FGF14: variants seen among roughly 807,000 people sequenced by gnomAD.
FGF14 encodes fibroblast growth factor homologous factor 4.
FGF14 carries 5 observed loss-of-function variants against 25.5 expected under a neutral mutation model. That is an observed-to-expected ratio of 0.20 (90% confidence interval 0.10 to 0.41). The LOEUF is 0.41. FGF14 is among the 10% of genes least tolerant of loss of function. The pLI, the probability that FGF14 is intolerant of heterozygous loss-of-function variation, is 1.00. For synonymous variants in FGF14, 138 were observed against 118.3 expected (o/e 1.17, Z -1.08); for missense variants, 222 against 320.1 (o/e 0.69, Z 2.34).
At chr13:101,794,452 A>G (rs2040410121) in intron 3 of FGF14, among the ~76,000 whole-genome samples, 1 of 152,088 alleles carries the variant, frequency 6.6e-6, no homozygotes, top group Non-Finnish European at 1.5e-5. Flanking sequence ...AGGACCACTT[A>G]TGTACAACAC....
At chr13:102,054,070 T>G (rs2140069446) in intron 1 of FGF14, among the ~76,000 whole-genome samples, 1 of 152,292 alleles carries the variant, frequency 6.6e-6, no homozygotes, top group East Asian at 1.9e-4. Context: ...GGACATTTAC[T>G]TATAGATTTT....
chr13:102,140,320 T>G (rs1376100951), intron 1 of FGF14, among the ~76,000 whole-genome samples: 1 of 152,150 alleles, frequency 6.6e-6, no homozygotes, highest in African/African-American at 2.4e-5. Context: ...ATTTTGCTAT[T>G]ATATTTAACC....
At chr13:101,986,938 GCACACACACA>G (rs3064731) in intron 1 of FGF14, among the ~76,000 whole-genome samples, 34 of 148,136 alleles carry the variant, frequency 2.3e-4, no homozygotes, top group African/African-American at 8.1e-4. Flanking sequence ...GTATGTGCAT[GCACACACACA>G]CACACACACA....
At chr13:102,061,903 A>G (rs1299398045) in intron 1 of FGF14, among the ~76,000 whole-genome samples, 2 of 152,190 alleles carry the variant, frequency 1.3e-5, no homozygotes, top group Non-Finnish European at 2.9e-5. Context: ...CTGACATATG[A>G]AGAGGCATCT....
intron 1 of FGF14, among the ~76,000 whole-genome samples, chr13:101,939,789 T>C (rs925732968): frequency 3.3e-5 from 5 of 152,108 alleles, no homozygotes; most frequent in African/African-American, 1.2e-4. Flanking sequence ...ATCTAGTTTA[T>C]TGGAAAAAAG....
chr13:101,763,258 T>C (rs1440089641), intron 3 of FGF14, among the ~76,000 whole-genome samples: 1 of 152,146 alleles, frequency 6.6e-6, no homozygotes, highest in African/African-American at 2.4e-5. Flanking sequence ...CAGTCAGTCA[T>C]CCCCAGCTGT....
intron 1 of FGF14, among the ~76,000 whole-genome samples, chr13:102,129,254 A>AAAAGAAAGAAAG (rs370437878): frequency 6.6e-6 from 1 of 151,920 alleles, no homozygotes; most frequent in Non-Finnish European, 1.5e-5. Context: ...CATCTCAAAA[A>AAAAGAAAGAAAG]AAAGAAAGAA....
intron 3 of FGF14, among the ~76,000 whole-genome samples, chr13:101,867,912 ACACACACACACACACACACACACG>A (rs1566345150): frequency 6.7e-6 from 1 of 149,754 alleles, no homozygotes; most frequent in African/African-American, 2.5e-5. Flanking sequence ...ACACACACAC[ACACACACACACACACACACACACG>A]CGCACACACA....
chr13:101,940,475 A>G (rs2035376100), intron 1 of FGF14, among the ~76,000 whole-genome samples: 2 of 152,198 alleles, frequency 1.3e-5, no homozygotes, highest in Admixed American at 1.3e-4. Context: ...CCATTCTTCA[A>G]ACATGAAAAG....
intron 1 of FGF14, among the ~76,000 whole-genome samples, chr13:101,984,155 T>C (rs1049716677): frequency 2.0e-5 from 3 of 152,160 alleles, no homozygotes; most frequent in African/African-American, 4.8e-5. Context: ...CTATGGAATA[T>C]GCGCTCGAAA....
intron 3 of FGF14, among the ~76,000 whole-genome samples, chr13:101,768,408 A>G (rs1395973266): frequency 6.6e-6 from 1 of 152,174 alleles, no homozygotes; most frequent in African/African-American, 2.4e-5. Context: ...CTTGATCTAT[A>G]GATTCAATTC....
intron 1 of FGF14, among the ~76,000 whole-genome samples, chr13:102,198,963 C>A (rs528538): frequency 0.68 from 103,029 of 152,062 alleles, 36,569 homozygotes; most frequent in African/African-American, 0.9. Context: ...GTGAAACCCC[C>A]AATATCCTTA....
At chr13:101,800,549 C>CT (rs2040811663) in intron 3 of FGF14, among the ~76,000 whole-genome samples, 1 of 152,188 alleles carries the variant, frequency 6.6e-6, no homozygotes, top group South Asian at 2.1e-4. Context: ...GATCATAATG[C>CT]TTCTTCTAAC....
intron 1 of FGF14, among the ~76,000 whole-genome samples, chr13:102,102,875 C>T (rs913521988): frequency 6.6e-6 from 1 of 152,146 alleles, no homozygotes; most frequent in Non-Finnish European, 1.5e-5. Context: ...AATACAGCAA[C>T]CTTTCTCCCC....
In FGF14 at chr13:101,785,128, CAT is replaced by C. The variant is rs539411897; in HGVS notation, c.409-58320_409-58319del. Among the ~76,000 whole-genome samples the C allele has an allele frequency of 2.2e-3, 332 of 152,210 alleles. 1 individual carries two copies. The highest frequency in any genetic ancestry group is 6.6e-3 in the African/African-American group (275 of 41,558). On this transcript the variant is annotated intron_variant, in intron 3 of 4. Transcript: ENST00000376143. The stretch of plus-strand genomic sequence containing the variant: ...TCATTACATCTGCCACAAAAAAGCA[CAT>C]GTCTTCCAAATGTACATATAATGCA...
At chr13:102,170,159 CAGGAAA>C (rs2048187462) in intron 1 of FGF14, among the ~76,000 whole-genome samples, 6 of 151,924 alleles carry the variant, frequency 3.9e-5, no homozygotes, top group Non-Finnish European at 8.8e-5. Flanking sequence ...GTGGGGCATA[CAGGAAA>C]ACTCTGAGAT....
chr13:101,778,507 C>G (rs2039281693), intron 3 of FGF14, among the ~76,000 whole-genome samples: 1 of 152,126 alleles, frequency 6.6e-6, no homozygotes, highest in Admixed American at 6.5e-5. Flanking sequence ...AGGCTGGGCT[C>G]CTTGCTGAAT....
chr13:102,132,634 A>G (rs523301), intron 1 of FGF14, among the ~76,000 whole-genome samples: 7,846 of 151,670 alleles, frequency 0.052, 708 homozygotes, highest in African/African-American at 0.18. Flanking sequence ...CTTCTGCTGC[A>G]GCCTCTCAAG....
At chr13:101,985,899 A>G (rs1392928305) in intron 1 of FGF14, among the ~76,000 whole-genome samples, 1 of 152,120 alleles carries the variant, frequency 6.6e-6, no homozygotes, top group East Asian at 1.9e-4. Flanking sequence ...GCTAAGCCAT[A>G]TTTACCCCTC....
Sources: allele counts gnomAD v4.1 joint callset (sites outside exome capture counted in the v4.1 genomes callset), GRCh38; gene constraint gnomAD v4.1.1; transcripts MANE v1.5; gene names NCBI Gene and HGNC (gene_info 2026-07-23, HGNC 2026-07-21).